The following DDX5 variants were observed in gnomAD, a reference collection of about 807,000 sequenced individuals.
The protein encoded by DDX5 is probable ATP-dependent RNA helicase DDX5.
DDX5 carries 6 observed loss-of-function variants against 68.6 expected under a neutral mutation model. The observed-to-expected ratio is 0.09, with a 90% CI of 0.05 to 0.17. DDX5 has a LOEUF of 0.17. Among genes scored for constraint, DDX5 ranks in the 10% least tolerant of loss-of-function variants. The probability of loss-of-function intolerance (pLI) is 1.00; values close to 1 mark genes in which losing one functional copy is unlikely to be tolerated. For missense variants in DDX5, 499 were observed against 756.1 expected (o/e 0.66, Z 3.99); for synonymous variants, 350 against 247.0 (o/e 1.42, Z -3.91).
In DDX5 at chr17:64,499,090, G is replaced by C. The variant is rs1435481200; in HGVS notation, c.*833C>G. On this transcript the variant is annotated 3_prime_UTR_variant, in exon 13 of 13. Coordinates refer to ENST00000225792, the MANE Select transcript of DDX5 (RefSeq NM_004396.5). ...TGCACTAAGAACGAAATTCAGTAAA[G>C]GAGACTCAAGCTTAGCTCCTGGCCA... Among the ~76,000 whole-genome samples the C allele has an allele frequency of 2.0e-5, 3 of 152,168 alleles. No individual in the cohort carries two copies. Among genetic ancestry groups the C allele is most frequent in the Non-Finnish European group, 4.4e-5 (3 of 68,032 alleles).
rs782801888 is a variant in DDX5, at chr17:64,502,545, T to C, written c.988A>G (p.Ile330Val). 3.1e-6 allele frequency: 5 copies of C among 1,603,990 alleles called. No individual in the cohort carries two copies. Among genetic ancestry groups the C allele is most frequent in the Admixed American group, 3.3e-5 (2 of 59,842 alleles). ...CTCATGATCTCTTCCATTAGACGAA[T>C]AAGTCTAATAATAGGAGAGAGAAAG... ...CHDVEKDEKLIRLMEEIMSEK... is the reference protein window; with the variant it reads ...CHDVEKDEKLVRLMEEIMSEK... Residue 330 changes from isoleucine (I) to valine (V), a missense_variant, in exon 9 of 13, where the codon ATT becomes GTT. Ile to Val is a conservative substitution (Grantham distance 29). Coordinates refer to ENST00000225792, the MANE Select transcript of DDX5 (RefSeq NM_004396.5).
chr17:64,503,905 AT>A, intron 4 of DDX5, 37 bp from the exon 5 acceptor site: 1 of 1,613,678 alleles, frequency 6.2e-7, no homozygotes, highest in Non-Finnish European at 8.5e-7. Flanking sequence ...CAGAAATCAC[AT>A]TAAAATACTC....
chr17:64,503,730 A>T, intron 5 of DDX5, 73 bp downstream of exon 5: 1 of 1,556,120 alleles, frequency 6.4e-7, no homozygotes, highest in South Asian at 1.2e-5. Flanking sequence ...ACCACAAATG[A>T]TTACATCTTT....
rs782765150 is a variant in DDX5, at chr17:64,503,103, T to C, written c.811-5A>G. 26 of 1,612,510 alleles carry C rather than the reference T, an allele frequency of 1.6e-5. No individual in the cohort carries two copies. Among genetic ancestry groups the C allele is most frequent in the Admixed American group, 1.5e-4 (9 of 59,882 alleles). On this transcript the variant is annotated splice_region_variant and splice_polypyrimidine_tract_variant and intron_variant, in intron 7 of 12. Coordinates refer to ENST00000225792, the MANE Select transcript of DDX5 (RefSeq NM_004396.5). ...CATTAGAGTTTGCCTATCAGGCTAA[T>C]GGATTTTGGGGGGAAAAATTAGTAT...
chr17:64,503,590 C>G lies in DDX5; in HGVS notation c.508-19G>C. 6.2e-7 allele frequency: 1 copy of G among 1,612,514 alleles called. No homozygotes were observed. Among genetic ancestry groups the G allele is most frequent in the East Asian group, 2.2e-5 (1 of 44,878 alleles). On this transcript the variant is annotated intron_variant, in intron 5 of 12. Coordinates refer to ENST00000225792, the MANE Select transcript of DDX5 (RefSeq NM_004396.5). ...CCAAACACTAAGGAAAGAGAAACAGCTTTCAGCACAAACCTGGATACTAGT... is the reference window on the plus strand; with the variant it reads ...CCAAACACTAAGGAAAGAGAAACAGGTTTCAGCACAAACCTGGATACTAGT...
intron 11 of DDX5, 92 bp from the exon 12 acceptor site, chr17:64,500,865 T>C: frequency 1.1e-6 from 1 of 906,396 alleles, no homozygotes; most frequent in Non-Finnish European, 1.8e-6. Context: ...GACAATTGTA[T>C]TCCCAAGAAG....
At chr17:64,504,982 ATC>A (rs1555671910) in intron 1 of DDX5, 140 bp from the exon 2 acceptor site, 789 of 664,268 alleles carry the variant, frequency 1.2e-3, no homozygotes, top group East Asian at 2.5e-3. Context: ...CTTCGTGAAA[ATC>A]TCTCTCTCTC....
rs868950296 is a variant in DDX5, at chr17:64,504,955, G to A, written c.45-113C>T. On this transcript the variant is annotated intron_variant, in intron 1 of 12. Transcript: ENST00000225792. ...AACCACTGAAAACAGACTTCGAGAG[G>A]TAAACCTAGCACTGTCCTTCGTGAA... The A allele has an allele frequency of 1.1e-5, 11 of 973,854 alleles. No individual in the cohort carries two copies. The Admixed American group carries it at 2.3e-4, about 20-fold the overall frequency. 60.3% of individuals were successfully genotyped at this position (973,854 alleles called of 1,614,324 possible).
In DDX5 at chr17:64,502,905, AAC is replaced by A. The variant is rs782486542; in HGVS notation, c.983+19_983+20del. The A allele has an allele frequency of 1.1e-5, 17 of 1,558,294 alleles. No individual in the cohort carries two copies. Among genetic ancestry groups the A allele is most frequent in the South Asian group, 2.4e-5 (2 of 83,038 alleles). ...AGCAAAGTTGTTAGGAAGCAAATAT[AAC>A]AGAGTTAATAAAACTTACTTTTCAT... On this transcript the variant is annotated intron_variant, in intron 8 of 12. Transcript: ENST00000225792.
At chr17:64,505,913 A>G (rs1332689172) in intron 1 of DDX5, 163 bp downstream of exon 1, 8 of 1,534,284 alleles carry the variant, frequency 5.2e-6, no homozygotes, top group Non-Finnish European at 7.0e-6. Flanking sequence ...TCTTCCAATC[A>G]CTGTGACGTG....
chr17:64,502,079 A>C lies in DDX5; in HGVS notation c.1157-10T>G. 1 of 1,614,166 alleles carries C rather than the reference A, an allele frequency of 6.2e-7. No homozygotes were observed. The highest frequency in any genetic ancestry group is 8.5e-7 in the Non-Finnish European group (1 of 1,179,994). On this transcript the variant is annotated splice_polypyrimidine_tract_variant and intron_variant, in intron 10 of 12. Coordinates refer to ENST00000225792, the MANE Select transcript of DDX5 (RefSeq NM_004396.5). ...TTTCCATGTTTGAATTCTACAAAGGAAGGCATATACATGATCAATTATCTG... is the reference window on the plus strand; with the variant it reads ...TTTCCATGTTTGAATTCTACAAAGGCAGGCATATACATGATCAATTATCTG...
rs2038224552 is a variant in DDX5 at position 64,498,903 on chromosome 17, CATT to C, written c.*1017_*1019del. 6.6e-6 allele frequency among the ~76,000 whole-genome samples: 1 copy of C among 152,172 alleles called. No homozygotes were observed. Among genetic ancestry groups the C allele is most frequent in the South Asian group, 2.1e-4 (1 of 4,830 alleles). On this transcript the variant is annotated 3_prime_UTR_variant, in exon 13 of 13. Transcript: ENST00000225792. ...TTGGTTACGTTGCCTCCTGATTAGT[CATT>C]AATTTTAATGAGGTTTTTTCCTTGT...
Position 64,506,233 on chromosome 17 carries a change from A to AGTC in DDX5, c.-115_-114insGAC. The AGTC allele has an allele frequency of 1.3e-6, 2 of 1,551,792 alleles. No individual in the cohort carries two copies. Among genetic ancestry groups the AGTC allele is most frequent in the African/African-American group, 2.7e-5 (2 of 73,470 alleles). On this transcript the variant is annotated 5_prime_UTR_variant, in exon 1 of 13. Transcript: ENST00000225792. ...TTGCGGGGGCGGCAGCGGAGGAAGG[A>AGTC]CACCGATGACACCAGCCGAAGCTGC...
intron 10 of DDX5, 36 bp from the exon 11 acceptor site, chr17:64,502,105 A>G: frequency 6.2e-7 from 1 of 1,613,746 alleles, no homozygotes; most frequent in Non-Finnish European, 8.5e-7. Flanking sequence ...CAATTATCTG[A>G]GCAGAATTCT....
At chr17:64,504,353 G>A (rs1310944588) in intron 2 of DDX5, 35 bp from the exon 3 acceptor site, 4 of 1,547,166 alleles carry the variant, frequency 2.6e-6, no homozygotes, top group African/African-American at 2.7e-5. Flanking sequence ...TAAAATTCAT[G>A]ACAACCACCC....
chr17:64,505,052 A>C, intron 1 of DDX5: 3 of 451,684 alleles, frequency 6.6e-6, no homozygotes, highest in Non-Finnish European at 1.2e-5. Flanking sequence ...TAGGTCATGT[A>C]AACAGCCTGG....
upstream of DDX5, chr17:64,506,646 G>A (rs2038542470): frequency 2.7e-6 from 1 of 369,664 alleles, no homozygotes; most frequent in Admixed American, 4.4e-5. Context: ...GAGGGGGAAG[G>A]CGGGGCCTGG....
chr17:64,504,992 C>CCT lies in DDX5; in HGVS notation c.45-151_45-150insAG, dbSNP rs1555671912. The stretch of plus-strand genomic sequence containing the variant: ...CTGTCCTTCGTGAAAATCTCTCTCT[C>CCT]TCTCAACAGCCACAGTTAACATTTC... On this transcript the variant is annotated intron_variant, in intron 1 of 12. Transcript: ENST00000225792. 13 of 620,678 alleles carry CCT rather than the reference C, an allele frequency of 2.1e-5. No homozygotes were observed. In the African/African-American group the frequency reaches 2.3e-4, roughly 11 times the overall value. 38.4% of individuals were successfully genotyped at this position (620,678 alleles called of 1,614,324 possible). A position where few individuals can be genotyped will look rare whatever the true frequency, so the allele number is the denominator to read the frequency against.
At chr17:64,505,030 G>C (rs2038402199) in intron 1 of DDX5, 188 bp from the exon 2 acceptor site, 1 of 530,434 alleles carries the variant, frequency 1.9e-6, no homozygotes, top group African/African-American at 2.0e-5. Context: ...GTAGTCCCAA[G>C]TACACATTAC....
Sources: allele counts gnomAD v4.1 joint callset (sites outside exome capture counted in the v4.1 genomes callset), GRCh38; gene constraint gnomAD v4.1.1; transcripts MANE v1.5; gene names NCBI Gene and HGNC (gene_info 2026-07-23, HGNC 2026-07-21).